Variants in SRRM4 observed in about 807,000 individuals in gnomAD.
SRRM4 encodes the protein serine/arginine repetitive matrix protein 4.
SRRM4 carries 33 observed loss-of-function variants against 68.9 expected under a neutral mutation model. The observed-to-expected ratio is 0.48, with a 90% CI of 0.36 to 0.64. The LOEUF (loss-of-function observed/expected upper bound fraction) is 0.64. Ranked by LOEUF, SRRM4 falls within the 30% of genes least tolerant of loss-of-function variation. SRRM4 has a pLI of 0.00. For synonymous variants in SRRM4, 318 were observed against 318.8 expected (o/e 1.00, Z 0.03); for missense variants, 817 against 827.1 (o/e 0.99, Z 0.15).
intron 1 of SRRM4, among the ~76,000 whole-genome samples, chr12:119,017,945 T>C (rs1263281995): frequency 1.3e-5 from 2 of 152,232 alleles, no homozygotes; most frequent in African/African-American, 4.8e-5. Flanking sequence ...GGCAGGTTAG[T>C]TAACCCATCT....
rs1954329594 is a variant in SRRM4, at chr12:119,136,549, G to GA, written c.771+5721dup. ...CTTTTACTTTTGCCAAGGAAGAACA[G>GA]AAAAAACCACCATTTTCTATCACTA... On this transcript the variant is annotated intron_variant, in intron 8 of 12. Transcript: ENST00000267260. Among the ~76,000 whole-genome samples the GA allele has an allele frequency of 3.3e-5, 5 of 152,008 alleles. 1 individual carries two copies. Among genetic ancestry groups the GA allele is most frequent in the East Asian group, 3.9e-4 (2 of 5,184 alleles).
chr12:118,981,674 G>C lies in SRRM4; in HGVS notation c.-209G>C. On this transcript the variant is annotated 5_prime_UTR_variant, in exon 1 of 13. Transcript: ENST00000267260. ...CAGCCTGGAGCCGACCCAGAAGGGCGAAGAAAGCCCAGCGGACGAGCCTCC... is the reference window on the plus strand; with the variant it reads ...CAGCCTGGAGCCGACCCAGAAGGGCCAAGAAAGCCCAGCGGACGAGCCTCC... 1.7e-6 allele frequency: 1 copy of C among 577,630 alleles called. No homozygotes were observed. Among genetic ancestry groups the C allele is most frequent in the Admixed American group, 3.3e-5 (1 of 29,994 alleles). 35.8% of individuals were successfully genotyped at this position (577,630 alleles called of 1,614,324 possible). A position where few individuals can be genotyped will look rare whatever the true frequency, so the allele number is the denominator to read the frequency against.
chr12:119,117,040 C>T, intron 4 of SRRM4, 32 bp downstream of exon 4: 1 of 1,602,700 alleles, frequency 6.2e-7, no homozygotes, highest in Non-Finnish European at 8.5e-7. Context: ...AACAAGACCT[C>T]CCCAGGTGGG....
At position 119,126,014 on chromosome 12, in the gene SRRM4, CTTTTTTT is replaced by C. The variant is rs34680171; in HGVS notation, c.614+556_614+562del. On this transcript the variant is annotated intron_variant, in intron 7 of 12. Coordinates refer to ENST00000267260, the MANE Select transcript of SRRM4 (RefSeq NM_194286.4). ...AGGAATGACAACACCATACTAGCTGCTTTTTTTTTTTTTTTTTTTTTTTTTTTGAGAC... is the reference window on the plus strand; with the variant it reads ...AGGAATGACAACACCATACTAGCTGCTTTTTTTTTTTTTTTTTTTTGAGAC... Among the ~76,000 whole-genome samples, 56 of 71,154 alleles carry C rather than the reference CTTTTTTT, an allele frequency of 7.9e-4. 1 individual carries two copies. Among genetic ancestry groups the C allele is most frequent in the Admixed American group, 2.5e-3 (12 of 4,760 alleles). The allele number at this position is 71,154 out of a possible 152,430, so 46.7% of individuals were successfully genotyped here. A position where few individuals can be genotyped will look rare whatever the true frequency, so the allele number is the denominator to read the frequency against.
intron 1 of SRRM4, among the ~76,000 whole-genome samples, chr12:119,052,277 C>T (rs1397833714): frequency 6.6e-6 from 1 of 152,070 alleles, no homozygotes; most frequent in Non-Finnish European, 1.5e-5. Context: ...CTGGCTCATA[C>T]GAAAGAGAGG....
In SRRM4 at chr12:119,154,054, G is replaced by A. The variant is rs372164996; in HGVS notation, c.1392-189G>A. On this transcript the variant is annotated intron_variant, in intron 11 of 12. Coordinates refer to ENST00000267260, the MANE Select transcript of SRRM4 (RefSeq NM_194286.4). The surrounding 1 kb of genome is among the most constrained non-coding windows in gnomAD (Gnocchi z 4.7). ...CACAAGCCCAGCCCCCACCCCTACG[G>A]TACTAACAACCCTCGCAGACTCTTA... Among the ~76,000 whole-genome samples the A allele has an allele frequency of 6.6e-4, 100 of 151,892 alleles. 2 individuals carry two copies. The South Asian group carries it at 0.02, about 31-fold the overall frequency.
At chr12:119,097,421 C>T (rs917657568) in intron 1 of SRRM4, among the ~76,000 whole-genome samples, 1 of 152,192 alleles carries the variant, frequency 6.6e-6, no homozygotes, top group Non-Finnish European at 1.5e-5. Context: ...GTTCATCCAT[C>T]CATTTATTCA....
At position 119,023,446 on chromosome 12, in the gene SRRM4, C is replaced by A. The variant is rs1373734113; in HGVS notation, c.131+41433C>A. 3.3e-5 allele frequency among the ~76,000 whole-genome samples: 5 copies of A among 152,124 alleles called. No individual in the cohort carries two copies. The East Asian group carries it at 9.6e-4, about 29-fold the overall frequency. ...GAAGCCAAGCTCCCAAAAGACACAGCAATTCCTTTGATCCCTATCAAGAGC... is the reference window on the plus strand; with the variant it reads ...GAAGCCAAGCTCCCAAAAGACACAGAAATTCCTTTGATCCCTATCAAGAGC... On this transcript the variant is annotated intron_variant, in intron 1 of 12. Transcript: ENST00000267260.
At chr12:119,023,035 A>C in intron 1 of SRRM4, among the ~76,000 whole-genome samples, 1 of 152,196 alleles carries the variant, frequency 6.6e-6, no homozygotes, top group Non-Finnish European at 1.5e-5. Context: ...TATACTCCGT[A>C]CTTTTACCTA....
intron 1 of SRRM4, among the ~76,000 whole-genome samples, chr12:119,075,824 A>G (rs1953908881): frequency 9.6e-6 from 1 of 103,686 alleles, no homozygotes. Flanking sequence ...AACGGTGATG[A>G]TGGTGATGGT....
Position 119,057,227 on chromosome 12 carries a change from C to T in SRRM4, c.132-45009C>T, listed in dbSNP as rs140374705. 8.9e-3 allele frequency among the ~76,000 whole-genome samples: 1,349 copies of T among 152,160 alleles called. 20 individuals carry two copies. The highest frequency in any genetic ancestry group is 0.031 in the African/African-American group (1,279 of 41,500). ...AGTTTTGGAATACATGTGCAGGATG[C>T]GCAGGTTTGTTACATAGGTAAATGT... On this transcript the variant is annotated intron_variant, in intron 1 of 12. Transcript: ENST00000267260.
chr12:119,101,641 G>A (rs1369284947), intron 1 of SRRM4, among the ~76,000 whole-genome samples: 1 of 152,078 alleles, frequency 6.6e-6, no homozygotes, highest in Non-Finnish European at 1.5e-5. Context: ...GCAACTCAGA[G>A]ATGTTGTGAC....
At chr12:119,000,204 A>G (rs4523746) in intron 1 of SRRM4, among the ~76,000 whole-genome samples, 42,290 of 152,088 alleles carry the variant, frequency 0.28, 6,125 homozygotes, top group Non-Finnish European at 0.31. Flanking sequence ...ATTGAAGATG[A>G]TAAATGGGAA....
chr12:119,154,116 G>C lies in SRRM4; in HGVS notation c.1392-127G>C, dbSNP rs758888756. ...TCATCCTCCCTCCGGTCTCCCTTGC[G>C]GCAACGTGCAGACCCCATCCCGTGA... is the stretch of plus-strand genomic sequence containing the variant. On this transcript the variant is annotated intron_variant, in intron 11 of 12. Transcript: ENST00000267260. The surrounding 1 kb of genome is among the most constrained non-coding windows in gnomAD (Gnocchi z 4.7). 33 of 842,408 alleles carry C rather than the reference G, an allele frequency of 3.9e-5. No homozygotes were observed. The highest frequency in any genetic ancestry group is 6.1e-5 in the Non-Finnish European group (33 of 538,280). 52.2% of individuals were successfully genotyped at this position (842,408 alleles called of 1,614,324 possible). A position where few individuals can be genotyped will look rare whatever the true frequency, so the allele number is the denominator to read the frequency against.
intron 9 of SRRM4, among the ~76,000 whole-genome samples, chr12:119,147,654 GA>G (rs1387120279): frequency 1.3e-5 from 2 of 152,130 alleles, no homozygotes; most frequent in Non-Finnish European, 2.9e-5. Flanking sequence ...ATTAATTATA[GA>G]TACAGATATA....
At chr12:118,995,174 A>G (rs1308354219) in intron 1 of SRRM4, among the ~76,000 whole-genome samples, 1 of 152,244 alleles carries the variant, frequency 6.6e-6, no homozygotes. Context: ...TTTATCTGCA[A>G]TATGTCACTT....
chr12:119,136,153 A>G (rs1829137166), intron 8 of SRRM4, among the ~76,000 whole-genome samples: 2 of 152,220 alleles, frequency 1.3e-5, no homozygotes, highest in Non-Finnish European at 2.9e-5. Context: ...TTCTCGGAGT[A>G]TCTTTAGCCT....
At chr12:119,064,405 A>G (rs1953833014) in intron 1 of SRRM4, among the ~76,000 whole-genome samples, 1 of 152,244 alleles carries the variant, frequency 6.6e-6, no homozygotes, top group Non-Finnish European at 1.5e-5. Flanking sequence ...ACAATAGCCA[A>G]AAAATGCACA....
chr12:119,078,160 CT>C (rs1485074670), intron 1 of SRRM4, among the ~76,000 whole-genome samples: 1 of 152,182 alleles, frequency 6.6e-6, no homozygotes, highest in African/African-American at 2.4e-5. Context: ...ATTTTCATGA[CT>C]TTGGGAAAAC....
Sources: gnomAD v4.1 joint callset for allele counts (sites outside exome capture counted in the v4.1 genomes callset) on GRCh38, gnomAD v4.1.1 for gene constraint, Gnocchi (gnomAD v3.1) non-coding constraint, MANE v1.5 for transcripts, NCBI Gene and HGNC (gene_info 2026-07-23, HGNC 2026-07-21) for gene names.